Variants in MYBPHL observed in about 807,000 individuals in gnomAD.
MYBPHL encodes myosin-binding protein H-like.
Under a neutral mutation model 39.5 loss-of-function variants are expected in MYBPHL, and 32 were observed. That is an observed-to-expected ratio of 0.81 (90% confidence interval 0.61 to 1.09). The LOEUF (loss-of-function observed/expected upper bound fraction) is 1.09. Ranked by LOEUF, MYBPHL falls within the 50% of genes least tolerant of loss-of-function variation. MYBPHL has a pLI of 0.00. For missense variants in MYBPHL, 456 were observed against 460.2 expected (o/e 0.99, Z 0.08); for synonymous variants, 196 against 183.7 (o/e 1.07, Z -0.54).
intron 5 of MYBPHL, 23 bp downstream of exon 5, chr1:109,296,760 C>G: frequency 6.2e-7 from 1 of 1,613,960 alleles, no homozygotes; most frequent in Non-Finnish European, 8.5e-7. Flanking sequence ...CTTCCCAGCT[C>G]ATGATCCCCA....
Position 109,296,222 on chromosome 1 carries a change from G to A in MYBPHL, c.867+12C>T, listed in dbSNP as rs1351515365. 5 of 1,612,378 alleles carry A rather than the reference G, an allele frequency of 3.1e-6. No homozygotes were observed. Among genetic ancestry groups the A allele is most frequent in the African/African-American group, 1.3e-5 (1 of 74,816 alleles). ...GCAGCTCAGCACAGTGCCCCCCAGA[G>A]CCCCCACTCACCCGGGGAGAGGCGC... On this transcript the variant is annotated intron_variant, in intron 6 of 8. Coordinates refer to ENST00000357155, the MANE Select transcript of MYBPHL (RefSeq NM_001010985.3).
chr1:109,300,921 G>A (rs1205812384), intron 1 of MYBPHL, among the ~76,000 whole-genome samples: 1 of 152,172 alleles, frequency 6.6e-6, no homozygotes, highest in East Asian at 1.9e-4. Context: ...TCTGCTCCCA[G>A]CAGGCTCCCG....
chr1:109,298,156 C>T lies in MYBPHL; in HGVS notation c.234+13G>A. The T allele has an allele frequency of 6.3e-7, 1 of 1,599,544 alleles. No individual in the cohort carries two copies. Among genetic ancestry groups the T allele is most frequent in the South Asian group, 1.1e-5 (1 of 88,608 alleles). On this transcript the variant is annotated intron_variant, in intron 2 of 8. Transcript: ENST00000357155. ...CCCCAGACATGGACCCAGTATGGGG[C>T]TGGCATGATCACCTGGAATGGGATT...
At chr1:109,305,167 CA>C (rs1658420679) in intron 1 of MYBPHL, among the ~76,000 whole-genome samples, 1 of 152,146 alleles carries the variant, frequency 6.6e-6, no homozygotes, top group Admixed American at 6.5e-5. Flanking sequence ...CCATATCCAC[CA>C]AAAGGTTAAG....
chr1:109,295,706 G>A (rs1176585210), intron 6 of MYBPHL, among the ~76,000 whole-genome samples: 2 of 152,164 alleles, frequency 1.3e-5, no homozygotes, highest in African/African-American at 4.8e-5. Context: ...GTGGGCTCTT[G>A]ATATGCCCCT....
chr1:109,302,829 G>A (rs72975278), intron 1 of MYBPHL, among the ~76,000 whole-genome samples: 2,937 of 152,284 alleles, frequency 0.019, 103 homozygotes, highest in African/African-American at 0.067. Context: ...TACCCCTTCC[G>A]TAGCGTAGCT....
chr1:109,298,032 ACTTCTGGTGGTGTGACCC>A, intron 2 of MYBPHL, 119 bp downstream of exon 2: 1 of 727,176 alleles, frequency 1.4e-6, no homozygotes, highest in African/African-American at 1.8e-5. Flanking sequence ...TTGGCCTCAG[ACTTCTGGTGGTGTGACCC>A]CTTCTATCCA....
At chr1:109,301,283 C>T (rs1421944528) in intron 1 of MYBPHL, among the ~76,000 whole-genome samples, 6 of 152,256 alleles carry the variant, frequency 3.9e-5, no homozygotes, top group African/African-American at 1.4e-4. Flanking sequence ...TTTCTAAGAG[C>T]AGGTCTGTGA....
chr1:109,294,906 T>C (rs1171947422), intron 7 of MYBPHL, among the ~76,000 whole-genome samples: 2 of 152,208 alleles, frequency 1.3e-5, no homozygotes, highest in African/African-American at 2.4e-5. Context: ...ATTCTTCCTA[T>C]ATTATTGAAT....
rs746350635 is a variant in MYBPHL at position 109,296,339 on chromosome 1, T to C, written c.762A>G (p.Gln254=). Residue 254 remains glutamine (Q), a synonymous_variant, in exon 6 of 9, where the codon CAA becomes CAG. Coordinates refer to ENST00000357155, the MANE Select transcript of MYBPHL (RefSeq NM_001010985.3). ...ACTTTGGGGCTTCAGAGAAGTCTCG[T>C]TGGGCAAACCCCTTGGTCTTGTAAA... is the stretch of plus-strand genomic sequence containing the variant. The part of the protein sequence containing the change: ...ATVYKTKGFA[Q]RDFSEAPKFT... The C allele has an allele frequency of 1.5e-5, 24 of 1,614,104 alleles. No individual in the cohort carries two copies. Among genetic ancestry groups the C allele is most frequent in the Admixed American group, 1.2e-4 (7 of 60,024 alleles).
Position 109,296,767 on chromosome 1 carries a change from C to A in MYBPHL, c.730+16G>T. 1 of 1,614,026 alleles carries A rather than the reference C, an allele frequency of 6.2e-7. No individual in the cohort carries two copies. Among genetic ancestry groups the A allele is most frequent in the South Asian group, 1.1e-5 (1 of 91,068 alleles). On this transcript the variant is annotated intron_variant, in intron 5 of 8. Coordinates refer to ENST00000357155, the MANE Select transcript of MYBPHL (RefSeq NM_001010985.3). ...CCTTAAGTCTTCCCAGCTCATGATCCCCATGCCTCCCTTACCTGCTTTCTG... is the reference window on the plus strand; with the variant it reads ...CCTTAAGTCTTCCCAGCTCATGATCACCATGCCTCCCTTACCTGCTTTCTG...
At chr1:109,297,364 T>C (rs1658114782) in intron 3 of MYBPHL, 58 bp downstream of exon 3, 2 of 1,576,266 alleles carry the variant, frequency 1.3e-6, no homozygotes, top group South Asian at 1.2e-5. Context: ...CTGGCTCCTC[T>C]TCAGCCTGGA....
intron 6 of MYBPHL, 54 bp downstream of exon 6, chr1:109,296,180 A>G: frequency 6.3e-7 from 1 of 1,599,762 alleles, no homozygotes; most frequent in Non-Finnish European, 8.5e-7. Context: ...TTAGGTTAGG[A>G]CAGGCAGGAA....
At chr1:109,306,243 TGA>T (rs1228071167) in intron 1 of MYBPHL, among the ~76,000 whole-genome samples, 4 of 152,192 alleles carry the variant, frequency 2.6e-5, no homozygotes, top group East Asian at 1.9e-4. Flanking sequence ...GCCTCTTTGC[TGA>T]GAGGCACACA....
intron 6 of MYBPHL, 84 bp from the exon 7 acceptor site, chr1:109,295,381 G>T: frequency 3.9e-6 from 5 of 1,298,168 alleles, no homozygotes; most frequent in Non-Finnish European, 5.3e-6. Flanking sequence ...CTGGGACTCT[G>T]TCTATATAGA....
At chr1:109,294,963 A>T in intron 7 of MYBPHL, 148 bp downstream of exon 7, 1 of 619,234 alleles carries the variant, frequency 1.6e-6, no homozygotes, top group East Asian at 2.8e-5. Context: ...TGTCTCCTCC[A>T]ATACATCCTG....
chr1:109,293,514 C>A (rs1225792246), intron 8 of MYBPHL, among the ~76,000 whole-genome samples: 1 of 149,736 alleles, frequency 6.7e-6, no homozygotes, highest in Non-Finnish European at 1.5e-5. Flanking sequence ...GAGGCCAAGG[C>A]GGGTGGATCA....
chr1:109,295,153 G>A lies in MYBPHL; in HGVS notation c.1012C>T (p.Pro338Ser), dbSNP rs377658286. Residue 338 changes from proline (P) to serine (S), a missense_variant, in exon 7 of 9, where the codon CCC (proline) becomes TCC (serine). Transcript: ENST00000357155. Reference protein sequence around the residue: ...GGIYTCKAVNPLGEASVDCRV... With the variant: ...GGIYTCKAVNSLGEASVDCRV... ...CAGTCCACAGATGCCTCCCCTAGGG[G>A]GTTCACCGCCTTGCAGGTATAGATG... is the stretch of plus-strand genomic sequence containing the variant. 1.2e-6 allele frequency: 2 copies of A among 1,613,936 alleles called. No individual in the cohort carries two copies. Among genetic ancestry groups the A allele is most frequent in the East Asian group, 2.2e-5 (1 of 44,870 alleles).
chr1:109,299,812 ACCCTGCTGTGGCTG>A (rs2101480704), intron 1 of MYBPHL, among the ~76,000 whole-genome samples: 1 of 152,250 alleles, frequency 6.6e-6, no homozygotes, highest in African/African-American at 2.4e-5. Context: ...CGGCTGAGTG[ACCCTGCTGTGGCTG>A]CCCTCGGCTG....
Sources: gnomAD v4.1 joint callset for allele counts (sites outside exome capture counted in the v4.1 genomes callset) on GRCh38, gnomAD v4.1.1 for gene constraint, MANE v1.5 for transcripts, NCBI Gene and HGNC (gene_info 2026-07-23, HGNC 2026-07-21) for gene names.